The following PPP2R3C variants were observed in gnomAD, a reference collection of about 807,000 sequenced individuals.
PPP2R3C encodes the protein serine/threonine-protein phosphatase 2A regulatory subunit B'' subunit gamma.
PPP2R3C carries 47 observed loss-of-function variants against 63.7 expected under a neutral mutation model. That is an observed-to-expected ratio of 0.74 (90% confidence interval 0.58 to 0.94). The LOEUF (loss-of-function observed/expected upper bound fraction) is 0.94. Among genes scored for constraint, PPP2R3C ranks in the 40% least tolerant of loss-of-function variants. The probability of loss-of-function intolerance (pLI) is 0.00; values close to 1 mark genes in which losing one functional copy is unlikely to be tolerated. For missense variants in PPP2R3C, 421 were observed against 518.4 expected, an observed-to-expected ratio of 0.81 and a Z score of 1.82; for synonymous variants, 180 against 177.4, an observed-to-expected ratio of 1.01 and a Z score of -0.12.
At chr14:35,101,104 T>C (rs775016028) in intron 6 of PPP2R3C, 1 of 152,218 alleles carries the variant, frequency 6.6e-6, no homozygotes, top group Non-Finnish European at 1.5e-5. Flanking sequence ...GCCTCTTGAG[T>C]AGCTGGGACT....
At chr14:35,121,360 G>A (rs1191909945) in intron 1 of PPP2R3C, among the ~76,000 whole-genome samples, 1 of 152,002 alleles carries the variant, frequency 6.6e-6, no homozygotes, top group Admixed American at 6.6e-5. Context: ...CAGCCTGGGC[G>A]ACAGAGCAAG....
In PPP2R3C at chr14:35,091,214, A is replaced by G. The variant is rs1349107437; in HGVS notation, c.976-7T>C. On this transcript the variant is annotated splice_polypyrimidine_tract_variant and splice_region_variant and intron_variant, in intron 10 of 12. Transcript: ENST00000261475. ...CCAAGTAGGTCTTATAGTCCTACAG[A>G]ACAGAAAATAATGTTCATTAGAGGC... The G allele has an allele frequency of 1.3e-6, 2 of 1,593,922 alleles. No individual in the cohort carries two copies. The highest frequency in any genetic ancestry group is 2.2e-5 in the East Asian group (1 of 44,576).
At chr14:35,093,162 G>A (rs2045881716) in intron 10 of PPP2R3C, among the ~76,000 whole-genome samples, 1 of 151,998 alleles carries the variant, frequency 6.6e-6, no homozygotes, top group East Asian at 1.9e-4. Flanking sequence ...GCAGTGAGCC[G>A]AGATCGCGCC....
intron 10 of PPP2R3C, among the ~76,000 whole-genome samples, 185 bp from the exon 11 acceptor site, chr14:35,091,392 G>T (rs1410205955): frequency 6.6e-6 from 1 of 152,128 alleles, no homozygotes; most frequent in Non-Finnish European, 1.5e-5. Flanking sequence ...TCGAGACAGA[G>T]TTTCACTCTC....
chr14:35,088,030 A>G lies in PPP2R3C; in HGVS notation c.1114-20T>C. On this transcript the variant is annotated intron_variant, in intron 11 of 12. Transcript: ENST00000261475. ...TATGGCCTGTATTTAATAGAAATAA[A>G]TCTGTAAATAAAAAATGAAATACAC... is the stretch of plus-strand genomic sequence containing the variant. 1 of 1,537,448 alleles carries G rather than the reference A, an allele frequency of 6.5e-7. No individual in the cohort carries two copies. The highest frequency in any genetic ancestry group is 9.0e-7 in the Non-Finnish European group (1 of 1,110,882).
Position 35,096,740 on chromosome 14 carries a change from A to G in PPP2R3C, c.731T>C (p.Leu244Ser). Residue 244 changes from leucine to serine, a missense_variant, in exon 8 of 13, where the codon TTA (leucine) becomes TCA (serine). Transcript: ENST00000261475. ...TAAATCATCTAGGAAGCTGCATGCT[A>G]AAATATCTTGAATTTTTATCTTTCC... is the stretch of plus-strand genomic sequence containing the variant. Reference protein sequence around the residue: ...RTGKIKIQDILACSFLDDLLE... With the variant: ...RTGKIKIQDISACSFLDDLLE... 1 of 1,590,642 alleles carries G rather than the reference A, an allele frequency of 6.3e-7. No individual in the cohort carries two copies. The highest frequency in any genetic ancestry group is 8.6e-7 in the Non-Finnish European group (1 of 1,168,044).
intron 4 of PPP2R3C, among the ~76,000 whole-genome samples, 186 bp from the exon 5 acceptor site, chr14:35,108,422 TGGCCA>T (rs1206728994): frequency 2.0e-5 from 3 of 151,786 alleles, no homozygotes; most frequent in African/African-American, 4.8e-5. Context: ...AATGGAGATT[TGGCCA>T]GGCGCAGTGG....
At chr14:35,119,548 C>T (rs879077258) in intron 1 of PPP2R3C, among the ~76,000 whole-genome samples, 1 of 151,868 alleles carries the variant, frequency 6.6e-6, no homozygotes, top group Non-Finnish European at 1.5e-5. Flanking sequence ...CACTATGTTG[C>T]CCAGGCTGGT....
At chr14:35,110,164 T>C in intron 3 of PPP2R3C, 1 of 466,754 alleles carries the variant, frequency 2.1e-6, no homozygotes, top group Non-Finnish European at 3.8e-6. Flanking sequence ...ATGATATAGT[T>C]AGCTATCCCT....
At chr14:35,094,662 A>G (rs903190686) in intron 10 of PPP2R3C, among the ~76,000 whole-genome samples, 2 of 145,206 alleles carry the variant, frequency 1.4e-5, no homozygotes, top group African/African-American at 5.3e-5. Context: ...ACTGTTACAC[A>G]GTGATATCAA....
intron 12 of PPP2R3C, chr14:35,086,954 C>T (rs887998473): frequency 2.0e-5 from 3 of 151,528 alleles, no homozygotes; most frequent in African/African-American, 7.3e-5. Context: ...TGTACCACCA[C>T]ACCCGGCTAA....
intron 7 of PPP2R3C, 69 bp from the exon 8 acceptor site, chr14:35,096,833 A>C (rs1004411522): frequency 1.4e-6 from 2 of 1,390,134 alleles, no homozygotes; most frequent in Non-Finnish European, 1.9e-6. Context: ...ATTAAAAAAA[A>C]ATTTTTTTAA....
chr14:35,089,354 C>T (rs2045714182), intron 11 of PPP2R3C, among the ~76,000 whole-genome samples: 1 of 152,060 alleles, frequency 6.6e-6, no homozygotes, highest in Non-Finnish European at 1.5e-5. Context: ...CCCTCCTTCC[C>T]TGGCCTCCCA....
At position 35,085,975 on chromosome 14, in the gene PPP2R3C, C is replaced by A. The variant is rs1203495473; in HGVS notation, c.1174-197G>T. The A allele has an allele frequency of 1.1e-5, 6 of 542,644 alleles. No homozygotes were observed. In the African/African-American group the frequency reaches 1.1e-4, roughly 10 times the overall value. 33.6% of individuals were successfully genotyped at this position (542,644 alleles called of 1,614,324 possible). A position where few individuals can be genotyped will look rare whatever the true frequency, so the allele number is the denominator to read the frequency against. The stretch of plus-strand genomic sequence containing the variant: ...CAGGCAGTTTCCTTTTCTCTACCTA[C>A]AACCACAAAATTTTATTGGATAACT... On this transcript the variant is annotated intron_variant, in intron 12 of 12. Transcript: ENST00000261475.
chr14:35,121,147 G>C (rs533744395), intron 1 of PPP2R3C, among the ~76,000 whole-genome samples: 12 of 152,308 alleles, frequency 7.9e-5, no homozygotes, highest in Non-Finnish European at 1.5e-4. Context: ...GGGAGGCCGA[G>C]GTGGGCGAAT....
intron 6 of PPP2R3C, chr14:35,100,113 G>A (rs1421925480): frequency 6.6e-6 from 1 of 151,852 alleles, no homozygotes; most frequent in Non-Finnish European, 1.5e-5. Flanking sequence ...ATATTTTACA[G>A]TTATTCCATA....
chr14:35,085,877 G>C, intron 12 of PPP2R3C, 99 bp from the exon 13 acceptor site: 1 of 961,852 alleles, frequency 1.0e-6, no homozygotes, highest in East Asian at 2.7e-5. Context: ...CTGAAGTACA[G>C]AGGAATAAAA....
At chr14:35,120,830 T>C (rs1377081707) in intron 1 of PPP2R3C, among the ~76,000 whole-genome samples, 2 of 151,978 alleles carry the variant, frequency 1.3e-5, no homozygotes, top group Admixed American at 6.6e-5. Context: ...CCTGTACTTC[T>C]AGCTGCTCAA....
chr14:35,098,037 T>C (rs1344901581), intron 7 of PPP2R3C, among the ~76,000 whole-genome samples: 2 of 152,224 alleles, frequency 1.3e-5, no homozygotes, highest in Non-Finnish European at 2.9e-5. Context: ...AATGAATCCA[T>C]GTAAAATGCT....
Sources: allele counts gnomAD v4.1 joint callset (sites outside exome capture counted in the v4.1 genomes callset), GRCh38; gene constraint gnomAD v4.1.1; transcripts MANE v1.5; gene names NCBI Gene and HGNC (gene_info 2026-07-23, HGNC 2026-07-21).